Variants in TPCN1 observed in about 807,000 individuals in gnomAD.
TPCN1 encodes two pore channel protein 1.
TPCN1 carries 52 observed loss-of-function variants against 108.8 expected under a neutral mutation model. The ratio of observed to expected loss-of-function variants is 0.48; its 90% CI spans 0.38 to 0.60. TPCN1 has a LOEUF of 0.60. Ranked by LOEUF, TPCN1 falls within the 20% of genes least tolerant of loss-of-function variation. The pLI is 0.00. For missense variants in TPCN1, 806 were observed against 1,072.8 expected (o/e 0.75, Z 3.47); for synonymous variants, 446 against 433.7 (o/e 1.03, Z -0.35).
intron 2 of TPCN1, among the ~76,000 whole-genome samples, chr12:113,251,545 C>T (rs1241082199): frequency 2.0e-5 from 3 of 152,240 alleles, no homozygotes; most frequent in Admixed American, 6.5e-5. Flanking sequence ...TCTGTGGCCA[C>T]GGGGCGCATG....
chr12:113,257,674 A>G (rs1458666838), intron 2 of TPCN1, among the ~76,000 whole-genome samples: 1 of 152,186 alleles, frequency 6.6e-6, no homozygotes, highest in African/African-American at 2.4e-5. Flanking sequence ...CTTTACCAAA[A>G]GAAACAAAAA....
rs1953497369 is a variant in TPCN1, at chr12:113,227,050, G to C, written c.112+86G>C. 6.9e-6 allele frequency: 8 copies of C among 1,157,324 alleles called. 1 individual carries two copies. Among genetic ancestry groups the C allele is most frequent in the Middle Eastern group, 3.0e-4 (1 of 3,384 alleles). The allele number at this position is 1,157,324 out of a possible 1,614,324, so 71.7% of individuals were successfully genotyped here. ...ATAAGCGCTTTGTGGTCTGATAGTA[G>C]GGGTGTGTAACTTGTTGCCTGGCCC... On this transcript the variant is annotated intron_variant, in intron 2 of 27. Transcript: ENST00000335509.
chr12:113,279,307 G>A (rs1166102272), intron 14 of TPCN1, among the ~76,000 whole-genome samples: 4 of 130,052 alleles, frequency 3.1e-5, no homozygotes, highest in Non-Finnish European at 4.7e-5. Flanking sequence ...GTGTGTGTGT[G>A]TATATATATA....
chr12:113,280,359 C>A (rs1955845839), intron 15 of TPCN1, 164 bp downstream of exon 15: 2 of 526,122 alleles, frequency 3.8e-6, no homozygotes, highest in African/African-American at 3.8e-5. Context: ...CACACGCATC[C>A]CCGTGCCCAT....
rs1302009133 is a variant in TPCN1, at chr12:113,274,659, T to G, written c.942+991T>G. Among the ~76,000 whole-genome samples, 7 of 152,314 alleles carry G rather than the reference T, an allele frequency of 4.6e-5. No homozygotes were observed. The East Asian group carries it at 1.2e-3, about 25-fold the overall frequency. On this transcript the variant is annotated intron_variant, in intron 10 of 27. Coordinates refer to ENST00000335509, the MANE Select transcript of TPCN1 (RefSeq NM_017901.6). ...TGGCATTTAGTAAGCCTTAGCCACTTGGCACTATGCAAAGTGCTTTACATA... is the reference window on the plus strand; with the variant it reads ...TGGCATTTAGTAAGCCTTAGCCACTGGGCACTATGCAAAGTGCTTTACATA...
At chr12:113,250,639 G>C (rs1208366756) in intron 2 of TPCN1, among the ~76,000 whole-genome samples, 2 of 152,196 alleles carry the variant, frequency 1.3e-5, no homozygotes, top group African/African-American at 4.8e-5. Context: ...GCCAGTTGTT[G>C]GTCTTAGAAT....
At chr12:113,256,811 C>G (rs1566163000) in intron 2 of TPCN1, among the ~76,000 whole-genome samples, 1 of 152,070 alleles carries the variant, frequency 6.6e-6, no homozygotes, top group Non-Finnish European at 1.5e-5. Flanking sequence ...TCTTTATGAC[C>G]AGGGGTTAGG....
chr12:113,288,331 C>A lies in TPCN1; in HGVS notation c.1706+97C>A, dbSNP rs1343467867. ...AGTGGCAGTCGGGGGAAAGGAGTTC[C>A]ACAAAGGACTGCAATCGAGGGCCTG... On this transcript the variant is annotated intron_variant, in intron 20 of 27. Coordinates refer to ENST00000335509, the MANE Select transcript of TPCN1 (RefSeq NM_017901.6). The surrounding 1 kb of genome is among the most constrained non-coding windows in gnomAD (Gnocchi z 4.8). The A allele has an allele frequency of 3.2e-6, 5 of 1,575,144 alleles. No homozygotes were observed. The East Asian group carries it at 1.2e-4, about 37-fold the overall frequency.
chr12:113,230,182 T>C (rs1282493044), intron 2 of TPCN1, among the ~76,000 whole-genome samples: 1 of 152,120 alleles, frequency 6.6e-6, no homozygotes, highest in Non-Finnish European at 1.5e-5. Context: ...CCTTTTCTGC[T>C]TCGGTATCTT....
intron 2 of TPCN1, among the ~76,000 whole-genome samples, chr12:113,251,391 C>T (rs1352157228): frequency 6.6e-6 from 1 of 152,230 alleles, no homozygotes; most frequent in Non-Finnish European, 1.5e-5. Flanking sequence ...AAAACTAAAG[C>T]CCTCTGTGCC....
At position 113,269,826 on chromosome 12, in the gene TPCN1, G is replaced by A; in HGVS notation, c.729G>A (p.Met243Ile). ...MDILLLLLFF[M>I]IIFAILGFYL... is the part of the protein sequence containing the mutation. ...TCCTCCTGCTGCTGCTGTTCTTCAT[G>A]ATCATCTTTGCCATCCTCGGTGAGT... is the stretch of plus-strand genomic sequence containing the variant. Residue 243 changes from methionine (M) to isoleucine (I), a missense_variant, in exon 7 of 28, where the codon ATG becomes ATA. Met to Ile is a conservative substitution (Grantham distance 10, BLOSUM62 1). Transcript: ENST00000335509. The surrounding 1 kb of genome is among the most constrained non-coding windows in gnomAD (Gnocchi z 5.0). The A allele has an allele frequency of 6.2e-7, 1 of 1,613,892 alleles. No individual in the cohort carries two copies. The highest frequency in any genetic ancestry group is 2.2e-5 in the East Asian group (1 of 44,866).
chr12:113,236,929 G>A (rs1008173301), intron 2 of TPCN1, among the ~76,000 whole-genome samples: 4 of 152,190 alleles, frequency 2.6e-5, no homozygotes, highest in African/African-American at 9.6e-5. Context: ...TACAGAATGA[G>A]CATTGGGTGG....
chr12:113,235,747 A>G (rs1265895094), intron 2 of TPCN1, among the ~76,000 whole-genome samples: 1 of 152,108 alleles, frequency 6.6e-6, no homozygotes, highest in Non-Finnish European at 1.5e-5. Flanking sequence ...AGAAGGGTTT[A>G]GGGGAGGTGG....
intron 2 of TPCN1, among the ~76,000 whole-genome samples, chr12:113,248,221 C>T (rs796476174): frequency 1.3e-5 from 2 of 152,378 alleles, no homozygotes; most frequent in African/African-American, 4.8e-5. Context: ...CCTCCAGGCC[C>T]TGGCCATCCT....
chr12:113,249,144 A>G (rs1198246544), intron 2 of TPCN1, among the ~76,000 whole-genome samples: 1 of 152,194 alleles, frequency 6.6e-6, no homozygotes, highest in Admixed American at 6.5e-5. Flanking sequence ...CAGTCACCCC[A>G]GGGCCTTCTC....
chr12:113,276,189 A>C (rs1299852994), intron 10 of TPCN1, among the ~76,000 whole-genome samples: 3 of 152,240 alleles, frequency 2.0e-5, no homozygotes, highest in Non-Finnish European at 4.4e-5. Context: ...CAGAAAAAGC[A>C]TGCTGACCTT....
intron 1 of TPCN1, among the ~76,000 whole-genome samples, chr12:113,224,911 C>G (rs1049892742): frequency 2.4e-4 from 36 of 152,110 alleles, no homozygotes; most frequent in Non-Finnish European, 4.3e-4. Context: ...CCACCACACC[C>G]AGCTAATTTT....
At position 113,288,838 on chromosome 12, in the gene TPCN1, A is replaced by G; in HGVS notation, c.1787A>G (p.Asn596Ser). The change falls in exon 21 of 28, where the codon AAC becomes AGC. Residue 596 changes from asparagine (N) to serine (S), a missense_variant. By Grantham distance (46) the Asn-to-Ser change is conservative (BLOSUM62 1). Coordinates refer to ENST00000335509, the MANE Select transcript of TPCN1 (RefSeq NM_017901.6). The surrounding 1 kb of genome is among the most constrained non-coding windows in gnomAD (Gnocchi z 4.8). The stretch of plus-strand genomic sequence containing the variant: ...TTCTTCTGCGGGATCGTCTTCCCCA[A>G]CTGCTGCAAGTGAGTAGGCCCCACC... ...MEFFCGIVFP[N>S]CCNTSTVADA... 6.2e-7 allele frequency: 1 copy of G among 1,613,504 alleles called. No individual in the cohort carries two copies.
chr12:113,236,631 AAAG>A (rs1391248686), intron 2 of TPCN1, among the ~76,000 whole-genome samples: 4 of 151,920 alleles, frequency 2.6e-5, no homozygotes, highest in Non-Finnish European at 5.9e-5. Flanking sequence ...AAAAAAAAAA[AAAG>A]AAGTAGGAAC....
Sources: gnomAD v4.1 joint callset for allele counts (sites outside exome capture counted in the v4.1 genomes callset) on GRCh38, gnomAD v4.1.1 for gene constraint, Gnocchi (gnomAD v3.1) non-coding constraint, MANE v1.5 for transcripts, NCBI Gene and HGNC (gene_info 2026-07-23, HGNC 2026-07-21) for gene names.